The following CORO2B variants were observed in gnomAD, a reference collection of about 807,000 sequenced individuals.
CORO2B encodes coronin 2B, also known as coronin-2B.
Under a neutral mutation model 58.8 loss-of-function variants are expected in CORO2B, and 26 were observed. The ratio of observed to expected loss-of-function variants is 0.44; its 90% CI spans 0.32 to 0.61. The LOEUF is 0.61. Ranked by LOEUF, CORO2B falls within the 20% of genes least tolerant of loss-of-function variation. The pLI is 0.04. For missense variants in CORO2B, 460 were observed against 645.1 expected (o/e 0.71, Z 3.11); for synonymous variants, 242 against 253.8 (o/e 0.95, Z 0.44).
intron 2 of CORO2B, among the ~76,000 whole-genome samples, chr15:68,681,183 A>T (rs1488686871): frequency 6.6e-6 from 1 of 151,954 alleles, no homozygotes; most frequent in Admixed American, 6.6e-5. Context: ...ATTGCACTCT[A>T]GCCTGGGCGA....
intron 2 of CORO2B, among the ~76,000 whole-genome samples, chr15:68,658,937 G>A (rs900651122): frequency 6.6e-6 from 1 of 152,204 alleles, no homozygotes; most frequent in Non-Finnish European, 1.5e-5. Flanking sequence ...TCTCCTACAC[G>A]CCTTTGCCCC....
the CORO2B span, among the ~76,000 whole-genome samples, chr15:68,569,359 C>T: frequency 6.6e-6 from 1 of 152,362 alleles, no homozygotes; most frequent in Middle Eastern, 3.4e-3. Context: ...CTGCCTTTTC[C>T]ACAATGTCAT....
At chr15:68,623,322 G>A (rs1432028202) in intron 1 of CORO2B, among the ~76,000 whole-genome samples, 2 of 152,200 alleles carry the variant, frequency 1.3e-5, no homozygotes, top group Admixed American at 6.5e-5. Flanking sequence ...CAGAGCAATA[G>A]AGCAGGGGCC....
the CORO2B span, among the ~76,000 whole-genome samples, chr15:68,557,093 T>G: frequency 6.6e-6 from 1 of 152,176 alleles, no homozygotes; most frequent in African/African-American, 2.4e-5. Flanking sequence ...AAATGTCCCC[T>G]CGGGTAAGAA....
the CORO2B span, among the ~76,000 whole-genome samples, chr15:68,538,725 A>G: frequency 2.0e-5 from 3 of 151,572 alleles, no homozygotes; most frequent in Non-Finnish European, 4.4e-5. Context: ...AACAAAAAAA[A>G]CCCAGCTTTA....
chr15:68,625,793 C>T lies in CORO2B; in HGVS notation c.16-19367C>T, dbSNP rs139776218. ...CTAACTTTTGTATTTTTTGTAGAGACGGGGTTTCACCATGTTGCCCAGGCT... is the reference window on the plus strand; with the variant it reads ...CTAACTTTTGTATTTTTTGTAGAGATGGGGTTTCACCATGTTGCCCAGGCT... On this transcript the variant is annotated intron_variant, in intron 1 of 11. Coordinates refer to ENST00000261861, the MANE Select transcript of CORO2B (RefSeq NM_006091.5). Among the ~76,000 whole-genome samples the T allele has an allele frequency of 7.0e-4, 107 of 151,980 alleles. 1 individual carries two copies. The highest frequency in any genetic ancestry group is 3.4e-3 in the Middle Eastern group (1 of 294).
In CORO2B at chr15:68,644,898, G is replaced by A. The variant is rs151137861; in HGVS notation, c.16-262G>A. On this transcript the variant is annotated intron_variant, in intron 1 of 11. Transcript: ENST00000261861. ...ACAACCTTTCTAGAAAGTGGGGTGG[G>A]CATGTGTACCAAAAGCTCCTATGCC... 1.5e-3 allele frequency among the ~76,000 whole-genome samples: 223 copies of A among 152,290 alleles called. 1 individual carries two copies. Among genetic ancestry groups the A allele is most frequent in the Middle Eastern group, 3.4e-3 (1 of 294 alleles).
chr15:68,641,080 A>G (rs1291074974), intron 1 of CORO2B, among the ~76,000 whole-genome samples: 1 of 152,094 alleles, frequency 6.6e-6, no homozygotes, highest in Non-Finnish European at 1.5e-5. Flanking sequence ...CAGCAGAGAG[A>G]ATCTCCATGG....
At chr15:68,563,013 C>T in the CORO2B span, among the ~76,000 whole-genome samples, 70,852 of 147,514 alleles carry the variant, frequency 0.48, 18,129 homozygotes, top group East Asian at 0.79. Context: ...AAAACAAAAA[C>T]GTAATATACT....
At chr15:68,716,534 A>C (rs978954491) in intron 8 of CORO2B, among the ~76,000 whole-genome samples, 1 of 152,234 alleles carries the variant, frequency 6.6e-6, no homozygotes, top group Admixed American at 6.5e-5. Flanking sequence ...CATTCCACTG[A>C]GCAGGAGACA....
the CORO2B span, among the ~76,000 whole-genome samples, chr15:68,530,507 T>C: frequency 2.0e-5 from 3 of 152,158 alleles, no homozygotes; most frequent in South Asian, 2.1e-4. Context: ...GCTCAAGTCT[T>C]CTTCATCTTT....
the CORO2B span, among the ~76,000 whole-genome samples, chr15:68,549,998 G>A: frequency 5.3e-5 from 5 of 93,966 alleles, no homozygotes; most frequent in East Asian, 7.3e-4. Context: ...GCTGGTGACC[G>A]TGGGCAAGTT....
intron 1 of CORO2B, among the ~76,000 whole-genome samples, chr15:68,625,123 C>T (rs920993898): frequency 2.0e-5 from 3 of 152,120 alleles, no homozygotes; most frequent in Admixed American, 2.0e-4. Context: ...TTGCAATGGG[C>T]GGTCCGAGCA....
chr15:68,614,598 G>T (rs1900309815), intron 1 of CORO2B, among the ~76,000 whole-genome samples: 1 of 152,210 alleles, frequency 6.6e-6, no homozygotes, highest in South Asian at 2.1e-4. Context: ...ACTTTAGAGG[G>T]TCATGAGAGG....
intron 1 of CORO2B, among the ~76,000 whole-genome samples, chr15:68,580,434 G>T (rs1899401171): frequency 6.6e-6 from 1 of 151,982 alleles, no homozygotes; most frequent in Admixed American, 6.5e-5. Flanking sequence ...ATGGAGGTGG[G>T]GTGGTTTTGG....
chr15:68,643,569 G>A (rs969464663), intron 1 of CORO2B, among the ~76,000 whole-genome samples: 3 of 152,324 alleles, frequency 2.0e-5, no homozygotes, highest in Non-Finnish European at 2.9e-5. Context: ...GGGATGGAGG[G>A]CAACCTTGGG....
the CORO2B span, among the ~76,000 whole-genome samples, chr15:68,553,292 G>A: frequency 6.6e-6 from 1 of 152,210 alleles, no homozygotes; most frequent in African/African-American, 2.4e-5. Flanking sequence ...GAACTCTACA[G>A]ATATAATTAA....
chr15:68,531,580 G>T, the CORO2B span, among the ~76,000 whole-genome samples: 1 of 143,112 alleles, frequency 7.0e-6, no homozygotes, highest in African/African-American at 2.6e-5. Flanking sequence ...GAAAGAGAAA[G>T]AAAGAGAAAG....
intron 1 of CORO2B, among the ~76,000 whole-genome samples, chr15:68,611,717 ATATTT>A (rs1038121104): frequency 9.2e-5 from 14 of 151,826 alleles, no homozygotes; most frequent in African/African-American, 3.4e-4. Flanking sequence ...GAACATAAAC[ATATTT>A]TATTAGCCTC....
Sources: allele counts gnomAD v4.1 joint callset (sites outside exome capture counted in the v4.1 genomes callset), GRCh38; gene constraint gnomAD v4.1.1; transcripts MANE v1.5; gene names NCBI Gene and HGNC (gene_info 2026-07-23, HGNC 2026-07-21).